PLCD3: variants seen among roughly 807,000 people sequenced by gnomAD.
The protein encoded by PLCD3 is phospholipase C delta 3.
Under a neutral mutation model 82.8 loss-of-function variants are expected in PLCD3, and 62 were observed. The observed-to-expected ratio is 0.75, with a 90% CI of 0.61 to 0.93. PLCD3 has a LOEUF of 0.93. Ranked by LOEUF, PLCD3 falls within the 40% of genes least tolerant of loss-of-function variation. The pLI is 0.00. For synonymous variants in PLCD3, 478 were observed against 471.8 expected (o/e 1.01, Z -0.17); for missense variants, 1,023 against 1,103.4 (o/e 0.93, Z 1.03).
Position 45,112,884 on chromosome 17 carries a change from G to C in PLCD3, c.2260C>G (p.Pro754Ala), listed in dbSNP as rs757636869. ...PNDFVGQFTL[P>A]LSSLKQGYRH... The stretch of plus-strand genomic sequence containing the variant: ...CAACCTTGCTTTAGGCTGCTAAGAG[G>C]CAGTGTAAACTGGCCCACAAAGTCA... The change falls in exon 14 of 15, where the codon CCT (proline) becomes GCT (alanine). Residue 754 changes from proline (P) to alanine (A), a missense_variant. This residue lies in a region of PLCD3 where 553 missense variants were observed against 655.7 expected (regional missense o/e 0.84). Coordinates refer to ENST00000619929, the MANE Select transcript of PLCD3 (RefSeq NM_133373.5). 6.2e-7 allele frequency: 1 copy of C among 1,612,400 alleles called. No individual in the cohort carries two copies. Among genetic ancestry groups the C allele is most frequent in the Non-Finnish European group, 8.5e-7 (1 of 1,179,310 alleles).
In PLCD3 at chr17:45,112,979, A is replaced by C. The variant is rs756278269; in HGVS notation, c.2165T>G (p.Phe722Cys). The change falls in exon 14 of 15, where the codon TTC becomes TGC. Residue 722 changes from phenylalanine to cysteine, a missense_variant. This residue lies in a region of PLCD3 where 553 missense variants were observed against 655.7 expected (regional missense o/e 0.84). Transcript: ENST00000619929. ...FNPRWGQTLQ[F>C]QLRAPELALV... ...TGCCAGCTCCGGAGCCCGCAGCTGG[A>C]ACTGCAGGGTCTGCCCCCAGCGGGG... is the stretch of plus-strand genomic sequence containing the variant. The C allele has an allele frequency of 2.6e-5, 42 of 1,610,992 alleles. No individual in the cohort carries two copies. The highest frequency in any genetic ancestry group is 3.6e-5 in the Non-Finnish European group (42 of 1,178,278).
At chr17:45,117,848 G>C in intron 7 of PLCD3, 146 bp downstream of exon 7, 1 of 1,080,968 alleles carries the variant, frequency 9.3e-7, no homozygotes. Flanking sequence ...CACCCCATTG[G>C]CCACTTATCC....
In PLCD3 at chr17:45,114,752, C is replaced by A. The variant is rs58482900; in HGVS notation, c.1711+342G>T. Among the ~76,000 whole-genome samples the A allele has an allele frequency of 3.9e-3, 591 of 152,232 alleles. 3 individuals are homozygous for A. The highest frequency in any genetic ancestry group is 0.014 in the African/African-American group (579 of 41,510). ...CTCTTCACCTGGCTGCTTCCTAGTC[C>A]TCCAGGTGATGTGTCCTCTCAGCAT... On this transcript the variant is annotated intron_variant, in intron 10 of 14. Coordinates refer to ENST00000619929, the MANE Select transcript of PLCD3 (RefSeq NM_133373.5).
In PLCD3 at chr17:45,124,557, T is replaced by C. The variant is rs548813631; in HGVS notation, c.164-3185A>G. ...CTGGGGCAGTGAGAGGACTGGGGTGTCCAGCAGGAAGGGCAGGGCCAACAG... is the reference window on the plus strand; with the variant it reads ...CTGGGGCAGTGAGAGGACTGGGGTGCCCAGCAGGAAGGGCAGGGCCAACAG... On this transcript the variant is annotated intron_variant, in intron 1 of 14. Coordinates refer to ENST00000619929, the MANE Select transcript of PLCD3 (RefSeq NM_133373.5). Among the ~76,000 whole-genome samples, 4 of 152,110 alleles carry C rather than the reference T, an allele frequency of 2.6e-5. No individual in the cohort carries two copies. The South Asian group carries it at 8.3e-4, about 32-fold the overall frequency.
intron 10 of PLCD3, 115 bp downstream of exon 10, chr17:45,114,979 T>TG: frequency 7.1e-7 from 1 of 1,398,640 alleles, no homozygotes; most frequent in Non-Finnish European, 9.5e-7. Flanking sequence ...AGCCCCTCTT[T>TG]GGGGTCCTCT....
At position 45,121,055 on chromosome 17, in the gene PLCD3, G is replaced by A. The variant is rs1017181488; in HGVS notation, c.401C>T (p.Ala134Val). 3 of 1,540,800 alleles carry A rather than the reference G, an allele frequency of 1.9e-6. No individual in the cohort carries two copies. The highest frequency in any genetic ancestry group is 2.8e-5 in the African/African-American group (2 of 72,390). Residue 134 changes from alanine (A) to valine (V), a missense_variant, in exon 3 of 15, where the codon GCG becomes GTG. Ala to Val is a moderately conservative substitution (Grantham distance 64). This residue lies in a region of PLCD3 where 448 missense variants were observed against 406.3 expected (regional missense o/e 1.10). Coordinates refer to ENST00000619929, the MANE Select transcript of PLCD3 (RefSeq NM_133373.5). ...EGLRRFGGAFAPARCLTIAFK... is the reference protein window; with the variant it reads ...EGLRRFGGAFVPARCLTIAFK... ...GGCGATGGTGAGGCAGCGCGCTGGC[G>A]CGAAGGCACCCCCGAAGCGCCGCAG...
intron 1 of PLCD3, among the ~76,000 whole-genome samples, chr17:45,131,998 C>T (rs564371147): frequency 7.4e-4 from 112 of 152,270 alleles, no homozygotes; most frequent in South Asian, 1.9e-3. Flanking sequence ...TGCCCGAATT[C>T]GCGCTTCAGA....
Position 45,118,804 on chromosome 17 carries a change from A to AC in PLCD3, c.913+10dup, listed in dbSNP as rs71363516. On this transcript the variant is annotated intron_variant, in intron 5 of 14. Transcript: ENST00000619929. This position sits in a 1 kb window ranked among gnomAD's most constrained non-coding sequence, Gnocchi z 4.1. ...TCAGGTGCCACGACCTGGCCGTGCC[A>AC]CCCCCCCCACCTGTCTCGTTGAGCT... is the stretch of plus-strand genomic sequence containing the variant. The AC allele has an allele frequency of 7.4e-3, 11,737 of 1,585,148 alleles. 564 individuals carry two copies. In the African/African-American group the frequency reaches 0.13, roughly 17 times the overall value.
chr17:45,112,447 G>A lies in PLCD3; in HGVS notation c.*169C>T, dbSNP rs3744757. 0.037 allele frequency: 26,463 copies of A among 715,446 alleles called. 2,154 individuals are homozygous for A. The highest frequency in any genetic ancestry group is 0.26 in the East Asian group (9,451 of 36,796). 44.3% of individuals were successfully genotyped at this position (715,446 alleles called of 1,614,324 possible). Reference sequence around the variant, plus strand: ...CTTTCTGTTCTTCAGGAGGGGCCCAGGCAGCCCTCAGCACCCAGGTGAGAC... The same window carrying A: ...CTTTCTGTTCTTCAGGAGGGGCCCAAGCAGCCCTCAGCACCCAGGTGAGAC... On this transcript the variant is annotated 3_prime_UTR_variant, in exon 15 of 15. Coordinates refer to ENST00000619929, the MANE Select transcript of PLCD3 (RefSeq NM_133373.5).
At position 45,111,591 on chromosome 17, in the gene PLCD3, T is replaced by A. The variant is rs1049737653; in HGVS notation, c.*1025A>T. On this transcript the variant is annotated 3_prime_UTR_variant, in exon 15 of 15. Coordinates refer to ENST00000619929, the MANE Select transcript of PLCD3 (RefSeq NM_133373.5). ...GGCCCAAGAAACTCATCCAGCCCTG[T>A]CCCTCCTCATGGGCCTGTGGGGGTG... is the stretch of plus-strand genomic sequence containing the variant. 5 of 152,190 alleles carry A rather than the reference T, an allele frequency of 3.3e-5. No individual in the cohort carries two copies. Among genetic ancestry groups the A allele is most frequent in the African/African-American group, 1.2e-4 (5 of 41,428 alleles). 9.4% of individuals were successfully genotyped at this position (152,190 alleles called of 1,614,324 possible). A position where few individuals can be genotyped will look rare whatever the true frequency, so the allele number is the denominator to read the frequency against.
chr17:45,114,220 C>T (rs1179391408), intron 11 of PLCD3, 30 bp downstream of exon 11: 2 of 1,496,560 alleles, frequency 1.3e-6, no homozygotes, highest in African/African-American at 1.4e-5. Flanking sequence ...TGGCACCCCG[C>T]CTGCTCTCAT....
In PLCD3 at chr17:45,116,714, C is replaced by T. The variant is rs760511132; in HGVS notation, c.1331G>A (p.Arg444His). The T allele has an allele frequency of 4.7e-5, 75 of 1,609,828 alleles. No homozygotes were observed. The East Asian group carries it at 9.0e-4, about 19-fold the overall frequency. Residue 444 changes from arginine (R) to histidine (H), a missense_variant, in exon 8 of 15, where the codon CGC becomes CAC. By Grantham distance (29) the Arg-to-His change is conservative (BLOSUM62 0). Transcript: ENST00000619929. ...GTCCCCCAGGATGGTGCAGAGGTGG[C>T]GGGCCATGGCAGCCTGCTGCTCCAG... ...CGLEQQAAMA[R>H]HLCTILGDML...
intron 2 of PLCD3, 22 bp downstream of exon 2, chr17:45,121,189 C>T: frequency 6.4e-7 from 1 of 1,552,360 alleles, no homozygotes. Context: ...CCCTGTCCGC[C>T]CGGCGCTCCC....
chr17:45,116,125 C>T (rs543638528), intron 8 of PLCD3, among the ~76,000 whole-genome samples: 4 of 152,262 alleles, frequency 2.6e-5, no homozygotes, highest in Non-Finnish European at 5.9e-5. Flanking sequence ...TCAAGGAGCC[C>T]GACAGGATAA....
chr17:45,120,839 G>GGGGCTCTCCAAGGTTA (rs1225957950), intron 3 of PLCD3, 63 bp downstream of exon 3: 17 of 1,393,712 alleles, frequency 1.2e-5, no homozygotes, highest in Middle Eastern at 1.9e-4. Flanking sequence ...CTCCAAGGAT[G>GGGGCTCTCCAAGGTTA]GGGCTCTCCA....
At position 45,110,089 on chromosome 17, in the gene PLCD3, CA is replaced by C. The variant is rs888124837; in HGVS notation, c.*2526del. ...CGAGACTCCATCTCAAAAAAACAAA[CA>C]AAAAAAAAACCCTGTGATTTCTCCC... On this transcript the variant is annotated 3_prime_UTR_variant, in exon 15 of 15. Coordinates refer to ENST00000619929, the MANE Select transcript of PLCD3 (RefSeq NM_133373.5). The C allele has an allele frequency of 1.0e-4, 15 of 146,970 alleles. No individual in the cohort carries two copies. The highest frequency in any genetic ancestry group is 3.2e-3 in the Middle Eastern group (1 of 314). 9.1% of individuals were successfully genotyped at this position (146,970 alleles called of 1,614,324 possible).
At position 45,118,235 on chromosome 17, in the gene PLCD3, G is replaced by C; in HGVS notation, c.1115+56C>G. The C allele has an allele frequency of 6.2e-7, 1 of 1,611,954 alleles. No individual in the cohort carries two copies. Among genetic ancestry groups the C allele is most frequent in the South Asian group, 1.1e-5 (1 of 90,976 alleles). ...GGGCCAGGAAGGCCCCAGGAAGCCA[G>C]CCCATGTCTCTCCCCAGGTGGGGCT... On this transcript the variant is annotated intron_variant, in intron 6 of 14. Transcript: ENST00000619929. The surrounding 1 kb of genome is among the most constrained non-coding windows in gnomAD (Gnocchi z 4.1).
intron 3 of PLCD3, 43 bp downstream of exon 3, chr17:45,120,859 C>T (rs1315589061): frequency 7.1e-7 from 1 of 1,411,404 alleles, no homozygotes; most frequent in Non-Finnish European, 9.2e-7. Flanking sequence ...AAGGTTAGGG[C>T]TCTCCAAGGA....
In PLCD3 at chr17:45,132,282, G is replaced by C; in HGVS notation, c.129C>G (p.Thr43=). The change falls in exon 1 of 15, where the codon ACC becomes ACG. Residue 43 remains threonine, a synonymous_variant. Transcript: ENST00000619929. This position sits in a 1 kb window ranked among gnomAD's most constrained non-coding sequence, Gnocchi z 4.6. ...PSPPTPSDGG[T]KRPGLRALKK... ...TCAGCGCCCGCAGCCCGGGCCTCTT[G>C]GTGCCGCCATCGGAGGGAGTCGGCG... is the stretch of plus-strand genomic sequence containing the variant. 2 of 1,274,126 alleles carry C rather than the reference G, an allele frequency of 1.6e-6. No individual in the cohort carries two copies. The highest frequency in any genetic ancestry group is 2.0e-6 in the Non-Finnish European group (2 of 1,009,490). The allele number at this position is 1,274,126 out of a possible 1,614,324, so 78.9% of individuals were successfully genotyped here.
Sources: allele counts gnomAD v4.1 joint callset (sites outside exome capture counted in the v4.1 genomes callset), GRCh38; gene constraint gnomAD v4.1.1; regional missense constraint gnomAD v4.1.1; non-coding constraint Gnocchi (gnomAD v3.1); transcripts MANE v1.5; gene names NCBI Gene and HGNC (gene_info 2026-07-23, HGNC 2026-07-21).